NPM2: variants seen among roughly 807,000 people sequenced by gnomAD.
NPM2 encodes the protein nucleophosmin/nucleoplasmin 2.
Under a neutral mutation model 32.0 loss-of-function variants are expected in NPM2, and 25 were observed. The observed-to-expected ratio is 0.78, with a 90% CI of 0.57 to 1.09. The LOEUF (loss-of-function observed/expected upper bound fraction) is 1.09, where lower values mean the gene tolerates loss of function less well. Among genes scored for constraint, NPM2 ranks in the 50% least tolerant of loss-of-function variants. The pLI is 0.00. For synonymous variants in NPM2, 111 were observed against 94.2 expected (o/e 1.18, Z -1.04); for missense variants, 282 against 259.9 (o/e 1.08, Z -0.58).
intron 5 of NPM2, among the ~76,000 whole-genome samples, chr8:22,030,691 T>C (rs1729232981): frequency 6.6e-6 from 1 of 152,106 alleles, no homozygotes; most frequent in Admixed American, 6.6e-5. Context: ...TGTATATACA[T>C]ATTTTAGAGA....
In NPM2 at chr8:22,034,502, G is replaced by A. The variant is rs1372555550; in HGVS notation, c.532-8G>A. 6.8e-6 allele frequency: 11 copies of A among 1,608,676 alleles called. No homozygotes were observed. The highest frequency in any genetic ancestry group is 3.3e-4 in the Middle Eastern group (2 of 6,028). On this transcript the variant is annotated splice_region_variant and splice_polypyrimidine_tract_variant and intron_variant, in intron 7 of 9. Transcript: ENST00000518119. Reference sequence around the variant, plus strand: ...AACTCTCATAATACACTGTTTTTTGGTTCCCAGAAAAAAAAGCTGGAAAAA... The same window carrying A: ...AACTCTCATAATACACTGTTTTTTGATTCCCAGAAAAAAAAGCTGGAAAAA...
At position 22,034,506 on chromosome 8, in the gene NPM2, C is replaced by G; in HGVS notation, c.532-4C>G. On this transcript the variant is annotated splice_region_variant and splice_polypyrimidine_tract_variant and intron_variant, in intron 7 of 9. Coordinates refer to ENST00000518119, the MANE Select transcript of NPM2 (RefSeq NM_001286680.2). ...CTCATAATACACTGTTTTTTGGTTC[C>G]CAGAAAAAAAAGCTGGAAAAAGAAG... is the stretch of plus-strand genomic sequence containing the variant. 6.2e-7 allele frequency: 1 copy of G among 1,608,368 alleles called. No homozygotes were observed.
rs781418412 is a variant in NPM2, at chr8:22,036,481, A to G, written c.567-12A>G. Reference sequence around the variant, plus strand: ...CCCAATCCCACTCCTGCTCCGCTCCACCCTGTTGCAGAGCCAGCGTTAGAG... The same window carrying G: ...CCCAATCCCACTCCTGCTCCGCTCCGCCCTGTTGCAGAGCCAGCGTTAGAG... On this transcript the variant is annotated splice_polypyrimidine_tract_variant and intron_variant, in intron 8 of 9. Coordinates refer to ENST00000518119, the MANE Select transcript of NPM2 (RefSeq NM_001286680.2). 2.5e-6 allele frequency: 4 copies of G among 1,603,122 alleles called. No homozygotes were observed. The South Asian group carries it at 3.4e-5, about 14-fold the overall frequency.
chr8:22,029,629 A>G (rs1800368628), intron 5 of NPM2, among the ~76,000 whole-genome samples: 1 of 152,126 alleles, frequency 6.6e-6, no homozygotes, highest in Non-Finnish European at 1.5e-5. Flanking sequence ...TCTTGATCTA[A>G]TTTCTTATCC....
Position 22,033,062 on chromosome 8 carries a change from C to G in NPM2, c.271-68C>G, listed in dbSNP as rs1244952223. On this transcript the variant is annotated intron_variant, in intron 5 of 9. Transcript: ENST00000518119. ...GAGGGAAATCAACTCAGTATTTCTG[C>G]CTGAGGCTAGTCCCCGAGAGGTGCC... 8 of 1,142,318 alleles carry G rather than the reference C, an allele frequency of 7.0e-6. No individual in the cohort carries two copies. The African/African-American group carries it at 1.1e-4, about 15-fold the overall frequency. 70.8% of individuals were successfully genotyped at this position (1,142,318 alleles called of 1,614,324 possible). A position where few individuals can be genotyped will look rare whatever the true frequency, so the allele number is the denominator to read the frequency against.
chr8:22,024,890 T>C (rs1800180945), intron 2 of NPM2, 60 bp downstream of exon 2: 1 of 262,508 alleles, frequency 3.8e-6, no homozygotes. Context: ...TCTCTGCGTC[T>C]GGTGGAGGTG....
intron 8 of NPM2, 193 bp from the exon 9 acceptor site, chr8:22,036,300 C>G: frequency 1.8e-6 from 1 of 548,472 alleles, no homozygotes. Context: ...AAGATGGAAG[C>G]CTAAGGAAAA....
chr8:22,026,962 G>C (rs544898587), intron 5 of NPM2, among the ~76,000 whole-genome samples: 2 of 152,186 alleles, frequency 1.3e-5, no homozygotes, highest in Non-Finnish European at 2.9e-5. Flanking sequence ...GAAATCACTA[G>C]AGGGGGTTAA....
At chr8:22,030,240 C>A (rs931082950) in intron 5 of NPM2, among the ~76,000 whole-genome samples, 1 of 152,018 alleles carries the variant, frequency 6.6e-6, no homozygotes, top group Non-Finnish European at 1.5e-5. Flanking sequence ...ATCAGGTTTT[C>A]TTTTATTTTT....
At chr8:22,030,203 TG>T (rs1800391993) in intron 5 of NPM2, among the ~76,000 whole-genome samples, 1 of 152,196 alleles carries the variant, frequency 6.6e-6, no homozygotes, top group African/African-American at 2.4e-5. Flanking sequence ...CTGCTTCTGC[TG>T]GTTTTTTCTG....
At chr8:22,032,870 TG>T (rs1418698819) in intron 5 of NPM2, among the ~76,000 whole-genome samples, 2 of 152,022 alleles carry the variant, frequency 1.3e-5, no homozygotes, top group East Asian at 1.9e-4. Flanking sequence ...ATTTGGAGGA[TG>T]GGGGGAATGG....
intron 5 of NPM2, among the ~76,000 whole-genome samples, chr8:22,030,306 A>G (rs1331708540): frequency 6.6e-6 from 1 of 152,128 alleles, no homozygotes; most frequent in Non-Finnish European, 1.5e-5. Context: ...TGGCCTGATC[A>G]TGGCTCACTG....
intron 5 of NPM2, among the ~76,000 whole-genome samples, chr8:22,029,981 A>T (rs1800383408): frequency 6.6e-6 from 1 of 151,952 alleles, no homozygotes; most frequent in South Asian, 2.1e-4. Context: ...AGACATGAGG[A>T]TCTATGTCTT....
intron 3 of NPM2, 39 bp from the exon 4 acceptor site, chr8:22,025,397 G>A: frequency 2.5e-6 from 4 of 1,607,244 alleles, no homozygotes; most frequent in Non-Finnish European, 2.6e-6. Context: ...CTTTGGGAAC[G>A]AATGGAGGGC....
chr8:22,034,396 C>T, intron 7 of NPM2, 114 bp from the exon 8 acceptor site: 1 of 1,358,816 alleles, frequency 7.4e-7, no homozygotes. Flanking sequence ...TGGGCCAAGG[C>T]CACCTCAGCT....
intron 5 of NPM2, among the ~76,000 whole-genome samples, chr8:22,029,447 T>G (rs1046589553): frequency 6.6e-6 from 1 of 152,124 alleles, no homozygotes; most frequent in African/African-American, 2.4e-5. Context: ...CCTGGCCTGA[T>G]TCTCATCTTT....
At chr8:22,033,600 G>T (rs1449152287) in intron 6 of NPM2, among the ~76,000 whole-genome samples, 3 of 152,116 alleles carry the variant, frequency 2.0e-5, no homozygotes, top group African/African-American at 7.2e-5. Flanking sequence ...TAGCAACGCG[G>T]CATGATGCTG....
At chr8:22,035,034 G>A (rs766528032) in intron 8 of NPM2, among the ~76,000 whole-genome samples, 9 of 152,102 alleles carry the variant, frequency 5.9e-5, no homozygotes, top group Non-Finnish European at 8.8e-5. Context: ...TGAGCCCGGG[G>A]AAAAGTTGCA....
At chr8:22,029,720 A>T (rs983347812) in intron 5 of NPM2, among the ~76,000 whole-genome samples, 4 of 152,186 alleles carry the variant, frequency 2.6e-5, no homozygotes, top group African/African-American at 9.7e-5. Flanking sequence ...TTTTGCCCTC[A>T]TTCCTTCATG....
Sources: allele counts gnomAD v4.1 joint callset (sites outside exome capture counted in the v4.1 genomes callset), GRCh38; gene constraint gnomAD v4.1.1; transcripts MANE v1.5; gene names NCBI Gene and HGNC (gene_info 2026-07-23, HGNC 2026-07-21).